Variants in GSTA2 observed in about 807,000 individuals in gnomAD.
GSTA2 encodes glutathione S-transferase A2.
GSTA2 carries 27 observed loss-of-function variants against 22.4 expected under a neutral mutation model. The ratio of observed to expected loss-of-function variants is 1.21; its 90% CI spans 0.89 to 1.67. GSTA2 has a LOEUF of 1.67. Ranked by LOEUF, GSTA2 falls within the 40% of genes most tolerant of loss-of-function variation. The probability of loss-of-function intolerance (pLI) is 0.00; values close to 1 mark genes in which losing one functional copy is unlikely to be tolerated. For missense variants in GSTA2, 302 were observed against 260.2 expected (o/e 1.16, Z -1.11); for synonymous variants, 121 against 86.8 (o/e 1.39, Z -2.19).
At chr6:52,762,160 T>G (rs2127291891) in intron 1 of GSTA2, among the ~76,000 whole-genome samples, 1 of 152,290 alleles carries the variant, frequency 6.6e-6, no homozygotes, top group East Asian at 1.9e-4. Flanking sequence ...GAAAGCCAGG[T>G]ATTGTCCAAG....
chr6:52,755,144 T>A, intron 3 of GSTA2, 69 bp from the exon 4 acceptor site: 2 of 1,581,486 alleles, frequency 1.3e-6, no homozygotes, highest in South Asian at 1.2e-5. Context: ...TGAAAAAAAA[T>A]GGTTGTTGAA....
Position 52,750,464 on chromosome 6 carries a change from A to G in GSTA2, c.*113T>C. 1.0e-6 allele frequency: 1 copy of G among 973,358 alleles called. No individual in the cohort carries two copies. Among genetic ancestry groups the G allele is most frequent in the Non-Finnish European group, 1.6e-6 (1 of 645,150 alleles). 60.3% of individuals were successfully genotyped at this position (973,358 alleles called of 1,614,324 possible). A position where few individuals can be genotyped will look rare whatever the true frequency, so the allele number is the denominator to read the frequency against. On this transcript the variant is annotated 3_prime_UTR_variant, in exon 7 of 7. Coordinates refer to ENST00000493422, the MANE Select transcript of GSTA2 (RefSeq NM_000846.5). ...TATTATTTAATTAGCATATAATTTGAAAGAGTTCATTAGCTTCACAACAGG... is the reference window on the plus strand; with the variant it reads ...TATTATTTAATTAGCATATAATTTGGAAGAGTTCATTAGCTTCACAACAGG...
At chr6:52,754,068 G>C (rs990141430) in intron 4 of GSTA2, among the ~76,000 whole-genome samples, 2 of 152,132 alleles carry the variant, frequency 1.3e-5, no homozygotes, top group Admixed American at 1.3e-4. Context: ...TCCTTTTCAT[G>C]ACCAAATATC....
chr6:52,754,316 T>G (rs904917065), intron 4 of GSTA2, among the ~76,000 whole-genome samples: 3 of 152,200 alleles, frequency 2.0e-5, no homozygotes, highest in African/African-American at 7.2e-5. Context: ...CATTCAGGAT[T>G]TATTTGGAAT....
chr6:52,755,214 A>AATTT, intron 3 of GSTA2, 139 bp from the exon 4 acceptor site: 2 of 874,018 alleles, frequency 2.3e-6, no homozygotes, highest in South Asian at 2.1e-5. Flanking sequence ...ACTTGAAACA[A>AATTT]CTTTTTTTTT....
At chr6:52,751,452 G>A (rs1482015769) in intron 6 of GSTA2, 125 bp downstream of exon 6, 44 of 1,562,196 alleles carry the variant, frequency 2.8e-5, no homozygotes, top group Non-Finnish European at 3.6e-5. Flanking sequence ...TCATTTTGGA[G>A]ACCTTGGGGC....
chr6:52,751,980 A>G (rs995350360), intron 5 of GSTA2, among the ~76,000 whole-genome samples: 1 of 152,116 alleles, frequency 6.6e-6, no homozygotes, highest in East Asian at 1.9e-4. Context: ...CTTCTTCCAC[A>G]TGGGCCAAGG....
intron 1 of GSTA2, among the ~76,000 whole-genome samples, 193 bp downstream of exon 1, chr6:52,763,251 A>C (rs1054228260): frequency 6.6e-6 from 1 of 152,066 alleles, no homozygotes; most frequent in Non-Finnish European, 1.5e-5. Context: ...TCATTTTTAC[A>C]TTTCTGTAAA....
chr6:52,754,039 G>A (rs1024446561), intron 4 of GSTA2, among the ~76,000 whole-genome samples: 1 of 152,154 alleles, frequency 6.6e-6, no homozygotes, highest in African/African-American at 2.4e-5. Flanking sequence ...CCATCTTGTA[G>A]CATGCATTCG....
Position 52,758,020 on chromosome 6 carries a change from A to G in GSTA2, c.-30-43T>C, listed in dbSNP as rs568198841. 4,751 of 1,139,630 alleles carry G rather than the reference A, an allele frequency of 4.2e-3. 138 individuals are homozygous for G. In the African/African-American group the frequency reaches 0.062, roughly 15 times the overall value. The allele number at this position is 1,139,630 out of a possible 1,614,324, so 70.6% of individuals were successfully genotyped here. Reference sequence around the variant, plus strand: ...TGAATGAATGAATAATTGAAACGATAGAATCAAAAATGTACTTTAGGATGT... The same window carrying G: ...TGAATGAATGAATAATTGAAACGATGGAATCAAAAATGTACTTTAGGATGT... On this transcript the variant is annotated intron_variant, in intron 1 of 6. Coordinates refer to ENST00000493422, the MANE Select transcript of GSTA2 (RefSeq NM_000846.5).
chr6:52,752,466 AT>A (rs1368098893), intron 5 of GSTA2, among the ~76,000 whole-genome samples: 1 of 152,162 alleles, frequency 6.6e-6, no homozygotes, highest in Non-Finnish European at 1.5e-5. Context: ...CTTCCTGCAT[AT>A]GGTGCCAGAA....
chr6:52,751,737 A>G (rs1193219316), intron 5 of GSTA2, 29 bp from the exon 6 acceptor site: 2 of 1,613,980 alleles, frequency 1.2e-6, no homozygotes, highest in Non-Finnish European at 1.7e-6. Context: ...CAGATCAGGA[A>G]CACATGCCCA....
intron 5 of GSTA2, among the ~76,000 whole-genome samples, 169 bp from the exon 6 acceptor site, chr6:52,751,877 G>T (rs545414623): frequency 1.3e-5 from 2 of 152,234 alleles, no homozygotes; most frequent in East Asian, 3.9e-4. Context: ...ATAGTAAGAA[G>T]TGTAACTGTA....
At chr6:52,761,207 T>C (rs1762944651) in intron 1 of GSTA2, among the ~76,000 whole-genome samples, 1 of 152,210 alleles carries the variant, frequency 6.6e-6, no homozygotes, top group South Asian at 2.1e-4. Context: ...GGGTGTTTGC[T>C]CTTGTCCCAG....
intron 6 of GSTA2, 117 bp downstream of exon 6, chr6:52,751,460 G>A: frequency 6.3e-7 from 1 of 1,585,402 alleles, no homozygotes; most frequent in Non-Finnish European, 8.6e-7. Flanking sequence ...GAGACCTTGG[G>A]GCACCAAAGG....
chr6:52,758,033 T>C, intron 1 of GSTA2, 56 bp from the exon 2 acceptor site: 2 of 1,053,040 alleles, frequency 1.9e-6, no homozygotes, highest in Non-Finnish European at 2.9e-6. Flanking sequence ...ATCAAAAATG[T>C]ACTTTAGGAT....
At chr6:52,758,097 G>T (rs879748102) in intron 1 of GSTA2, 120 bp from the exon 2 acceptor site, 27 of 615,244 alleles carry the variant, frequency 4.4e-5, no homozygotes, top group Middle Eastern at 4.4e-4. Flanking sequence ...TCTTCATGAC[G>T]GTGTTGGAGG....
intron 1 of GSTA2, among the ~76,000 whole-genome samples, chr6:52,759,563 GTTTTTTTTTTTTTTTTTTTTT>G (rs70977382): frequency 1.3e-3 from 43 of 34,200 alleles, no homozygotes; most frequent in African/African-American, 2.0e-3. Flanking sequence ...GTATTTATTT[GTTTTTTTTTTTTTTTTTTTTT>G]TTTTTTTTTT....
chr6:52,761,937 G>A (rs952462016), intron 1 of GSTA2, among the ~76,000 whole-genome samples: 12 of 150,790 alleles, frequency 8.0e-5, no homozygotes, highest in Non-Finnish European at 1.5e-5. Flanking sequence ...TCTGCCTTGA[G>A]ATGCTGTTAA....
Sources: allele counts gnomAD v4.1 joint callset (sites outside exome capture counted in the v4.1 genomes callset), GRCh38; gene constraint gnomAD v4.1.1; transcripts MANE v1.5; gene names NCBI Gene and HGNC (gene_info 2026-07-23, HGNC 2026-07-21).